The following ZFHX3 variants were observed in gnomAD, a reference collection of about 807,000 sequenced individuals.
The protein encoded by ZFHX3 is zinc finger homeobox 3.
Under a neutral mutation model 279.1 loss-of-function variants are expected in ZFHX3, and 42 were observed. The ratio of observed to expected loss-of-function variants is 0.15; its 90% CI spans 0.12 to 0.19. The LOEUF is 0.19. ZFHX3 is among the 10% of genes least tolerant of loss of function. The pLI, the probability that ZFHX3 is intolerant of heterozygous loss-of-function variation, is 1.00. For missense variants in ZFHX3, 4,981 were observed against 4,754.0 expected, an observed-to-expected ratio of 1.05 and a Z score of -1.40; for synonymous variants, 2,293 against 1,957.8, an observed-to-expected ratio of 1.17 and a Z score of -4.52.
intron 3 of ZFHX3, among the ~76,000 whole-genome samples, chr16:72,905,873 A>G (rs1458962936): frequency 6.6e-6 from 1 of 152,134 alleles, no homozygotes. Context: ...TTCTTCCTGA[A>G]TTTCCTGTCC....
intron 2 of ZFHX3, among the ~76,000 whole-genome samples, chr16:73,542,849 T>C (rs987938762): frequency 2.6e-5 from 4 of 152,142 alleles, no homozygotes; most frequent in Non-Finnish European, 4.4e-5. Context: ...CCCTAAACCT[T>C]CAGAGCGTGT....
rs200318853 is a variant in ZFHX3 at position 72,887,006 on chromosome 16, C to A, written c.3448+2725G>T. 9.2e-5 allele frequency among the ~76,000 whole-genome samples: 14 copies of A among 152,344 alleles called. No individual in the cohort carries two copies. The East Asian group carries it at 2.7e-3, about 29-fold the overall frequency. ...CAGTCTTGCAGTGACCTTCAAGTGA[C>A]AAAAATTATCCCGGTACCCAACAGC... On this transcript the variant is annotated intron_variant, in intron 4 of 9. Transcript: ENST00000268489.
intron 2 of ZFHX3, among the ~76,000 whole-genome samples, chr16:73,592,391 T>C (rs2052008758): frequency 1.3e-5 from 2 of 152,110 alleles, no homozygotes; most frequent in African/African-American, 2.4e-5. Flanking sequence ...AAATAAGATA[T>C]TATGATTGAC....
chr16:73,367,746 G>T (rs1249732672), intron 3 of ZFHX3, among the ~76,000 whole-genome samples: 1 of 152,122 alleles, frequency 6.6e-6, no homozygotes, highest in African/African-American at 2.4e-5. Context: ...AAAATGGGTG[G>T]CATTACTTAT....
chr16:73,071,527 G>A (rs1294712562), intron 8 of ZFHX3, among the ~76,000 whole-genome samples: 1 of 152,122 alleles, frequency 6.6e-6, no homozygotes, highest in South Asian at 2.1e-4. Context: ...TCAGGGGCTG[G>A]GGAGGCTGCT....
At chr16:73,120,246 A>G (rs1966480178) in intron 7 of ZFHX3, among the ~76,000 whole-genome samples, 2 of 151,702 alleles carry the variant, frequency 1.3e-5, no homozygotes, top group South Asian at 4.2e-4. Flanking sequence ...TCCACATTCC[A>G]TACTATTTTT....
At chr16:73,263,417 A>G (rs2013879106) in intron 4 of ZFHX3, among the ~76,000 whole-genome samples, 1 of 152,154 alleles carries the variant, frequency 6.6e-6, no homozygotes, top group South Asian at 2.1e-4. Context: ...TTGAACTCCT[A>G]GCCTCAAGTG....
At chr16:73,489,094 C>T (rs1423748985) in intron 2 of ZFHX3, among the ~76,000 whole-genome samples, 1 of 152,240 alleles carries the variant, frequency 6.6e-6, no homozygotes, top group East Asian at 1.9e-4. Context: ...TTTGGATTAT[C>T]AAGAAAAATT....
intron 1 of ZFHX3, among the ~76,000 whole-genome samples, chr16:73,681,063 A>C (rs1167235661): frequency 6.6e-6 from 1 of 152,218 alleles, no homozygotes. Context: ...ACCACCTCTC[A>C]GTGGATGTCT....
chr16:73,255,047 T>C (rs1441331613), intron 5 of ZFHX3, among the ~76,000 whole-genome samples: 1 of 152,192 alleles, frequency 6.6e-6, no homozygotes, highest in Non-Finnish European at 1.5e-5. Flanking sequence ...GCAGCAGCTA[T>C]TGTACTTCTG....
chr16:73,578,725 T>TA (rs1369390964), intron 2 of ZFHX3, among the ~76,000 whole-genome samples: 1 of 152,200 alleles, frequency 6.6e-6, no homozygotes, highest in African/African-American at 2.4e-5. Flanking sequence ...CATTTATTTT[T>TA]ATTTTTTTTA....
In ZFHX3 at chr16:73,472,283, A is replaced by AC. The variant is rs1340179443; in HGVS notation, c.-1546-16026_-1546-16025insG. Among the ~76,000 whole-genome samples the AC allele has an allele frequency of 1.7e-3, 258 of 151,894 alleles. 1 individual carries two copies. The highest frequency in any genetic ancestry group is 5.6e-3 in the African/African-American group (234 of 41,474). Reference sequence around the variant, plus strand: ...TTTTAAATCTTAAAAAAAAAAAAAAAAAAACAGCATATCTAAAGTCCCAAA... The same window carrying AC: ...TTTTAAATCTTAAAAAAAAAAAAAAACAAAACAGCATATCTAAAGTCCCAAA... On this transcript the variant is annotated intron_variant, in intron 2 of 17. Coordinates refer to the ZFHX3 transcript ENST00000641206.
At chr16:73,351,525 G>A (rs2016241849) in intron 3 of ZFHX3, among the ~76,000 whole-genome samples, 1 of 152,160 alleles carries the variant, frequency 6.6e-6, no homozygotes, top group Non-Finnish European at 1.5e-5. Flanking sequence ...TTTCCCCCCA[G>A]CTGCTTTTCT....
chr16:73,282,681 A>G (rs1024648156), intron 4 of ZFHX3, among the ~76,000 whole-genome samples: 3 of 152,144 alleles, frequency 2.0e-5, no homozygotes, highest in African/African-American at 7.2e-5. Context: ...CTATCAGTTC[A>G]ATGGTAGTGT....
intron 1 of ZFHX3, among the ~76,000 whole-genome samples, chr16:73,762,552 A>G (rs2053881209): frequency 6.6e-6 from 1 of 152,218 alleles, no homozygotes; most frequent in Non-Finnish European, 1.5e-5. Flanking sequence ...CACTACTCAC[A>G]ATAGCAAAGA....
chr16:73,678,524 C>T (rs78145038), intron 2 of ZFHX3, among the ~76,000 whole-genome samples: 9,051 of 152,096 alleles, frequency 0.06, 903 homozygotes, highest in African/African-American at 0.21. Flanking sequence ...CATAAAAATA[C>T]TATTTTATAA....
At chr16:73,594,887 G>A (rs1446706201) in intron 2 of ZFHX3, among the ~76,000 whole-genome samples, 1 of 152,046 alleles carries the variant, frequency 6.6e-6, no homozygotes, top group African/African-American at 2.4e-5. Flanking sequence ...TTTGTGTATG[G>A]TCTGAGTACA....
intron 7 of ZFHX3, among the ~76,000 whole-genome samples, chr16:72,802,007 G>T (rs1383963420): frequency 6.6e-6 from 1 of 151,818 alleles, no homozygotes; most frequent in Non-Finnish European, 1.5e-5. Context: ...TATGAAAAAT[G>T]AATCATGAGA....
Position 72,797,415 on chromosome 16 carries a change from A to G in ZFHX3, c.5267T>C (p.Leu1756Pro). Reference protein sequence around the residue: ...AQAQAQVQAHLQQELQQQAAL... With the variant: ...AQAQAQVQAHPQQELQQQAAL... ...AGCCTGTTGCTGCAGCTCCTGCTGCAGGTGAGCTTGAACTTGAGCCTGGGC... is the reference window on the plus strand; with the variant it reads ...AGCCTGTTGCTGCAGCTCCTGCTGCGGGTGAGCTTGAACTTGAGCCTGGGC... The change falls in exon 9 of 10, where the codon CTG becomes CCG. Residue 1756 changes from leucine to proline, a missense_variant. Physicochemically the swap from Leu to Pro is moderately conservative, Grantham distance 98 (BLOSUM62 -3). This residue lies in a region of ZFHX3 where 1,751 missense variants were observed against 1,770.0 expected (regional missense o/e 0.99). Coordinates refer to ENST00000268489, the MANE Select transcript of ZFHX3 (RefSeq NM_006885.4). The G allele has an allele frequency of 6.2e-7, 1 of 1,612,200 alleles. No individual in the cohort carries two copies. Among genetic ancestry groups the G allele is most frequent in the Non-Finnish European group, 8.5e-7 (1 of 1,179,142 alleles).
Sources: allele counts gnomAD v4.1 joint callset (sites outside exome capture counted in the v4.1 genomes callset), GRCh38; gene constraint gnomAD v4.1.1; regional missense constraint gnomAD v4.1.1; transcripts MANE v1.5; gene names NCBI Gene and HGNC (gene_info 2026-07-23, HGNC 2026-07-21).